The following SLIT2 variants were observed in gnomAD, a reference collection of about 807,000 sequenced individuals.
SLIT2 encodes slit homolog 2 protein.
SLIT2 carries 41 observed loss-of-function variants against 185.7 expected under a neutral mutation model. The ratio of observed to expected loss-of-function variants is 0.22; its 90% confidence interval spans 0.17 to 0.29. The LOEUF is 0.29. Ranked by LOEUF, SLIT2 falls within the 10% of genes least tolerant of loss-of-function variation. The probability of loss-of-function intolerance (pLI) is 1.00; values close to 1 mark genes in which losing one functional copy is unlikely to be tolerated. For synonymous variants in SLIT2, 693 were observed against 680.2 expected (o/e 1.02, Z -0.29); for missense variants, 1,571 against 1,909.0 (o/e 0.82, Z 3.30).
intron 4 of SLIT2, among the ~76,000 whole-genome samples, chr4:20,296,304 C>T (rs1033691810): frequency 7.9e-5 from 12 of 151,968 alleles, no homozygotes; most frequent in African/African-American, 2.7e-4. Flanking sequence ...AAAAATAAAG[C>T]AATGATCTGA....
At chr4:20,481,062 A>G (rs1473371894) in intron 6 of SLIT2, among the ~76,000 whole-genome samples, 3 of 151,952 alleles carry the variant, frequency 2.0e-5, no homozygotes, top group African/African-American at 7.3e-5. Context: ...TCATTGCTAA[A>G]TATTGAGATA....
At chr4:20,559,583 G>C (rs1724532079) in intron 26 of SLIT2, among the ~76,000 whole-genome samples, 1 of 151,816 alleles carries the variant, frequency 6.6e-6, no homozygotes, top group South Asian at 2.1e-4. Context: ...AACAATAATA[G>C]CTAAGTTCTA....
intron 4 of SLIT2, among the ~76,000 whole-genome samples, chr4:20,337,317 C>T (rs1280205485): frequency 6.6e-6 from 1 of 152,126 alleles, no homozygotes; most frequent in East Asian, 1.9e-4. Flanking sequence ...TGTGGGGAAA[C>T]TCCACCTTAT....
At chr4:20,423,749 A>T (rs924701116) in intron 4 of SLIT2, among the ~76,000 whole-genome samples, 1 of 152,162 alleles carries the variant, frequency 6.6e-6, no homozygotes, top group Non-Finnish European at 1.5e-5. Context: ...CATAATGCAA[A>T]TATAAATGTT....
At chr4:20,511,449 T>C (rs565904538) in intron 11 of SLIT2, among the ~76,000 whole-genome samples, 1 of 138,400 alleles carries the variant, frequency 7.2e-6, no homozygotes, top group Admixed American at 7.6e-5. Context: ...TGAGACGGAG[T>C]CTTGCTCTGT....
intron 33 of SLIT2, among the ~76,000 whole-genome samples, chr4:20,608,077 TG>T (rs1024826768): frequency 3.9e-5 from 6 of 152,150 alleles, no homozygotes; most frequent in African/African-American, 1.2e-4. Context: ...TTGAATTATT[TG>T]TATCATGATG....
At chr4:20,309,356 T>C (rs899732464) in intron 4 of SLIT2, among the ~76,000 whole-genome samples, 12 of 152,100 alleles carry the variant, frequency 7.9e-5, no homozygotes, top group Admixed American at 5.9e-4. Flanking sequence ...AATAAAGCAG[T>C]GAAACCTCTT....
chr4:20,487,523 A>G (rs925649386), intron 7 of SLIT2, among the ~76,000 whole-genome samples: 1 of 152,062 alleles, frequency 6.6e-6, no homozygotes, highest in African/African-American at 2.4e-5. Context: ...CCATTTTTAC[A>G]TTCTTTTCTC....
At position 20,253,594 on chromosome 4, in the gene SLIT2, A is replaced by G; in HGVS notation, c.-222A>G. 1 of 592,542 alleles carries G rather than the reference A, an allele frequency of 1.7e-6. No homozygotes were observed. Among genetic ancestry groups the G allele is most frequent in the Non-Finnish European group, 3.0e-6 (1 of 334,534 alleles). 36.7% of individuals were successfully genotyped at this position (592,542 alleles called of 1,614,324 possible). On this transcript the variant is annotated 5_prime_UTR_variant, in exon 1 of 37. Transcript: ENST00000504154. ...TCATCCTCAGGACCTAAAGTTGCCC[A>G]AGGAGCTCCTGCTCTGCCAGAGGAG... is the stretch of plus-strand genomic sequence containing the variant.
intron 4 of SLIT2, among the ~76,000 whole-genome samples, chr4:20,276,799 G>A (rs1714212947): frequency 6.6e-6 from 1 of 152,248 alleles, no homozygotes; most frequent in South Asian, 2.1e-4. Flanking sequence ...CTAATTTAAA[G>A]TTCTGTTTGT....
At chr4:20,449,960 G>GT (rs34382183) in intron 4 of SLIT2, among the ~76,000 whole-genome samples, 12 of 151,024 alleles carry the variant, frequency 7.9e-5, no homozygotes, top group East Asian at 2.0e-4. Context: ...ACAGCTCAGT[G>GT]TTTTTTTTTT....
chr4:20,437,914 CA>C (rs1224604666), intron 4 of SLIT2, among the ~76,000 whole-genome samples: 81 of 65,590 alleles, frequency 1.2e-3, no homozygotes, highest in South Asian at 4.5e-3. Context: ...GACTCCGTCT[CA>C]AAAAAAAAAA....
chr4:20,495,491 AC>A (rs1172194273), intron 9 of SLIT2, among the ~76,000 whole-genome samples: 1 of 152,224 alleles, frequency 6.6e-6, no homozygotes, highest in Non-Finnish European at 1.5e-5. Flanking sequence ...GCAATATGAA[AC>A]ATTTAAAATG....
intron 4 of SLIT2, among the ~76,000 whole-genome samples, chr4:20,308,609 T>G (rs1717791343): frequency 6.6e-6 from 1 of 152,048 alleles, no homozygotes; most frequent in African/African-American, 2.4e-5. Context: ...AATGGGGATA[T>G]TAGCTACTTC....
chr4:20,386,136 G>T (rs985320129), intron 4 of SLIT2, among the ~76,000 whole-genome samples: 19 of 152,126 alleles, frequency 1.2e-4, no homozygotes, highest in Admixed American at 3.3e-4. Context: ...ACTCATAAGA[G>T]AATAATTTGG....
intron 4 of SLIT2, among the ~76,000 whole-genome samples, chr4:20,273,863 G>A (rs970502731): frequency 6.6e-6 from 1 of 152,250 alleles, no homozygotes; most frequent in East Asian, 1.9e-4. Flanking sequence ...GATGTCAGGT[G>A]CCATCGTTTC....
chr4:20,373,320 A>G (rs1486813042), intron 4 of SLIT2, among the ~76,000 whole-genome samples: 1 of 152,144 alleles, frequency 6.6e-6, no homozygotes, highest in Non-Finnish European at 1.5e-5. Flanking sequence ...TATATGTAAC[A>G]TGAATCTCAA....
rs189276034 is a variant in SLIT2 at position 20,594,541 on chromosome 4, C to A, written c.3183-1156C>A. Among the ~76,000 whole-genome samples the A allele has an allele frequency of 8.5e-4, 129 of 152,058 alleles. 2 individuals are homozygous for A. The highest frequency in any genetic ancestry group is 6.8e-3 in the Admixed American group (103 of 15,242). ...AGGGTAGAGGGAGGCTTCCAGAAGACCCCTCCTCATAGATGGCCATACCTG... is the reference window on the plus strand; with the variant it reads ...AGGGTAGAGGGAGGCTTCCAGAAGAACCCTCCTCATAGATGGCCATACCTG... On this transcript the variant is annotated intron_variant, in intron 30 of 36. Transcript: ENST00000504154.
At chr4:20,363,837 C>T (rs561368104) in intron 4 of SLIT2, among the ~76,000 whole-genome samples, 3 of 152,074 alleles carry the variant, frequency 2.0e-5, no homozygotes, top group Non-Finnish European at 4.4e-5. Flanking sequence ...TATAAGAGAA[C>T]GGGGCATTGT....
Sources: allele counts gnomAD v4.1 joint callset (sites outside exome capture counted in the v4.1 genomes callset), GRCh38; gene constraint gnomAD v4.1.1; transcripts MANE v1.5; gene names NCBI Gene and HGNC (gene_info 2026-07-23, HGNC 2026-07-21).